EMILIN2: variants seen among roughly 807,000 people sequenced by gnomAD.
EMILIN2 encodes the protein elastin microfibril interfacer 2.
Under a neutral mutation model 87.1 loss-of-function variants are expected in EMILIN2, and 71 were observed. That is an observed-to-expected ratio of 0.82 (90% CI 0.67 to 0.99). EMILIN2 has a LOEUF of 0.99. Among genes scored for constraint, EMILIN2 ranks in the 50% least tolerant of loss-of-function variants. EMILIN2 has a pLI of 0.00. For synonymous variants in EMILIN2, 581 were observed against 563.4 expected, an observed-to-expected ratio of 1.03 and a Z score of -0.44; for missense variants, 1,407 against 1,371.8, an observed-to-expected ratio of 1.03 and a Z score of -0.40.
chr18:2,879,616 G>A (rs1341793859), intron 2 of EMILIN2, among the ~76,000 whole-genome samples: 9 of 152,040 alleles, frequency 5.9e-5, no homozygotes, highest in Middle Eastern at 3.4e-3. Flanking sequence ...AGCCAAGATC[G>A]CACCACTGCA....
At chr18:2,902,906 GGATTTCA>G (rs1265789931) in intron 4 of EMILIN2, among the ~76,000 whole-genome samples, 1 of 152,038 alleles carries the variant, frequency 6.6e-6, no homozygotes, top group Non-Finnish European at 1.5e-5. Context: ...GAACAAGGGC[GGATTTCA>G]GAGGAAAAGG....
At position 2,913,475 on chromosome 18, in the gene EMILIN2, G is replaced by T. The variant is rs2076952724; in HGVS notation, c.*71G>T. ...TCTAAAGCTTTAATATATTCGGTTTGTATGTAATGGAAGCACGGGGCTAGA... is the reference window on the plus strand; with the variant it reads ...TCTAAAGCTTTAATATATTCGGTTTTTATGTAATGGAAGCACGGGGCTAGA... On this transcript the variant is annotated 3_prime_UTR_variant, in exon 8 of 8. Transcript: ENST00000254528. The T allele has an allele frequency of 3.1e-6, 4 of 1,280,374 alleles. No homozygotes were observed. In the South Asian group the frequency reaches 5.9e-5, roughly 19 times the overall value. The allele number at this position is 1,280,374 out of a possible 1,614,324, so 79.3% of individuals were successfully genotyped here. A position where few individuals can be genotyped will look rare whatever the true frequency, so the allele number is the denominator to read the frequency against.
chr18:2,884,993 TCA>T lies in EMILIN2; in HGVS notation c.289_290del (p.Thr97Ter). Reference sequence around the variant, plus strand: ...CGAGTGAACTTCAGACCTAGATATGTCACTAGGTATAAGACAGTGACACAGTT... The same window carrying T: ...CGAGTGAACTTCAGACCTAGATATGTCTAGGTATAAGACAGTGACACAGTT... On this transcript the variant is annotated frameshift_variant, in exon 3 of 8. Transcript: ENST00000254528. LOFTEE classifies it high-confidence loss of function. 1.2e-6 allele frequency: 2 copies of T among 1,609,202 alleles called. No homozygotes were observed. The highest frequency in any genetic ancestry group is 1.7e-6 in the Non-Finnish European group (2 of 1,177,764).
chr18:2,906,280 G>A (rs1428804119), intron 4 of EMILIN2: 1 of 152,704 alleles, frequency 6.5e-6, no homozygotes. Context: ...TGGGCGCTGT[G>A]GCCGCGGCCC....
chr18:2,906,629 C>G lies in EMILIN2; in HGVS notation c.2360-154C>G, dbSNP rs879716696. 16 of 556,172 alleles carry G rather than the reference C, an allele frequency of 2.9e-5. No individual in the cohort carries two copies. The East Asian group carries it at 6.1e-4, about 21-fold the overall frequency. The allele number at this position is 556,172 out of a possible 1,614,324, so 34.5% of individuals were successfully genotyped here. On this transcript the variant is annotated intron_variant, in intron 4 of 7. Coordinates refer to ENST00000254528, the MANE Select transcript of EMILIN2 (RefSeq NM_032048.3). ...GGCGTCCTCGGAAGATGCGGGCGGA[C>G]GCCCGTGTGTCCCGCTGGCCTGACG...
intron 3 of EMILIN2, among the ~76,000 whole-genome samples, chr18:2,887,510 C>T (rs1192349895): frequency 1.3e-5 from 2 of 151,736 alleles, no homozygotes; most frequent in African/African-American, 4.8e-5. Flanking sequence ...TACACGAGAG[C>T]TGGTTGGTTG....
At chr18:2,846,813 T>C, upstream of EMILIN2, 1 of 985,334 alleles carries the variant, frequency 1.0e-6, no homozygotes, top group South Asian at 4.7e-5. The surrounding 1 kb of genome is among the most constrained non-coding windows in gnomAD (Gnocchi z 5.3). Flanking sequence ...TGCTGTAACG[T>C]AGACCCTTAT....
upstream of EMILIN2, among the ~76,000 whole-genome samples, chr18:2,846,561 G>T (rs1245039952): frequency 6.6e-6 from 1 of 152,242 alleles, no homozygotes; most frequent in Non-Finnish European, 1.5e-5. This position sits in a 1 kb window ranked among gnomAD's most constrained non-coding sequence, Gnocchi z 5.3. Context: ...TGGAGCTGGT[G>T]GGGGAACGGC....
At chr18:2,889,421 A>G (rs1199105037) in intron 3 of EMILIN2, among the ~76,000 whole-genome samples, 2 of 151,594 alleles carry the variant, frequency 1.3e-5, no homozygotes, top group Non-Finnish European at 2.9e-5. Context: ...TACAGGCATG[A>G]GCCATCATGG....
intron 2 of EMILIN2, among the ~76,000 whole-genome samples, chr18:2,866,020 TATA>T (rs896098942): frequency 7.2e-5 from 11 of 152,210 alleles, no homozygotes; most frequent in Non-Finnish European, 1.5e-5. Flanking sequence ...TGGTGCGGGA[TATA>T]ATCTGGTGTG....
chr18:2,898,307 C>T (rs371682312), intron 4 of EMILIN2, among the ~76,000 whole-genome samples: 13 of 152,216 alleles, frequency 8.5e-5, no homozygotes, highest in African/African-American at 2.2e-4. Flanking sequence ...AGGACTAGCC[C>T]GGCCTGCAGC....
chr18:2,877,731 T>C (rs544867505), intron 2 of EMILIN2, among the ~76,000 whole-genome samples: 160 of 148,606 alleles, frequency 1.1e-3, no homozygotes, highest in Middle Eastern at 0.01. Flanking sequence ...TGAGCTGAGA[T>C]CGCACCTCTG....
chr18:2,847,266 G>T lies in EMILIN2; in HGVS notation c.78G>T (p.Gly26=). 7.6e-7 allele frequency: 1 copy of T among 1,314,716 alleles called. No homozygotes were observed. The highest frequency in any genetic ancestry group is 9.7e-7 in the Non-Finnish European group (1 of 1,034,962). The allele number at this position is 1,314,716 out of a possible 1,614,324, so 81.4% of individuals were successfully genotyped here. A position where few individuals can be genotyped will look rare whatever the true frequency, so the allele number is the denominator to read the frequency against. ...ALALLALVGA[G]LCHAGPQPGY... ...CGCTGCTGGCCCTGGTTGGCGCGGG[G>T]CTGTGCCACGCCGGCCCGCAGCCCG... The change falls in exon 1 of 8, where the codon GGG becomes GGT. Residue 26 remains glycine (G), a synonymous_variant. Transcript: ENST00000254528. This position sits in a 1 kb window ranked among gnomAD's most constrained non-coding sequence, Gnocchi z 4.5.
chr18:2,864,661 A>T (rs896435413), intron 2 of EMILIN2, among the ~76,000 whole-genome samples: 1 of 151,838 alleles, frequency 6.6e-6, no homozygotes, highest in Non-Finnish European at 1.5e-5. Flanking sequence ...TTTTTCCTTC[A>T]TTTCAACTTT....
chr18:2,871,535 G>C (rs1299591559), intron 2 of EMILIN2, among the ~76,000 whole-genome samples: 1 of 152,224 alleles, frequency 6.6e-6, no homozygotes, highest in South Asian at 2.1e-4. Flanking sequence ...TGGCAGTGGA[G>C]GGTGTGAGCA....
At chr18:2,865,621 C>CT (rs1426214938) in intron 2 of EMILIN2, among the ~76,000 whole-genome samples, 4 of 152,342 alleles carry the variant, frequency 2.6e-5, no homozygotes, top group Admixed American at 2.6e-4. Context: ...TCTGCCCCTA[C>CT]TGGGGGGTGC....
chr18:2,905,183 G>A (rs2076904174), intron 4 of EMILIN2, among the ~76,000 whole-genome samples: 1 of 150,524 alleles, frequency 6.6e-6, no homozygotes. Flanking sequence ...AAAACTGAGA[G>A]AGTAATCACT....
In EMILIN2 at chr18:2,891,351, G is replaced by C. The variant is rs769952225; in HGVS notation, c.1224G>C (p.Gln408His). ...AAAAGAATGGTGACATTGGTCAACA[G>C]ATCAAGACATTGGACCAGAAAATCG... The part of the protein sequence containing the change: ...DSEKNGDIGQ[Q>H]IKTLDQKIER... The change falls in exon 4 of 8, where the codon CAG becomes CAC. Residue 408 changes from glutamine (Q) to histidine (H), a missense_variant. Coordinates refer to ENST00000254528, the MANE Select transcript of EMILIN2 (RefSeq NM_032048.3). The surrounding 1 kb of genome is among the most constrained non-coding windows in gnomAD (Gnocchi z 4.6). 1 of 1,614,240 alleles carries C rather than the reference G, an allele frequency of 6.2e-7. No homozygotes were observed. The highest frequency in any genetic ancestry group is 2.2e-5 in the East Asian group (1 of 44,894).
intron 7 of EMILIN2, among the ~76,000 whole-genome samples, chr18:2,911,802 C>T (rs2076942067): frequency 6.6e-6 from 1 of 152,102 alleles, no homozygotes; most frequent in Non-Finnish European, 1.5e-5. Context: ...GGAGCAGGTG[C>T]AGAAAGAAAA....
Sources: gnomAD v4.1 joint callset for allele counts (sites outside exome capture counted in the v4.1 genomes callset) on GRCh38, gnomAD v4.1.1 for gene constraint, Gnocchi (gnomAD v3.1) non-coding constraint, MANE v1.5 for transcripts, NCBI Gene and HGNC (gene_info 2026-07-23, HGNC 2026-07-21) for gene names.